AFMID: variants seen among roughly 807,000 people sequenced by gnomAD.
The protein encoded by AFMID is kynurenine formamidase.
AFMID carries 39 observed loss-of-function variants against 47.5 expected under a neutral mutation model. That is an observed-to-expected ratio of 0.82 (90% CI 0.64 to 1.07). The LOEUF (loss-of-function observed/expected upper bound fraction) is 1.07, where lower values mean the gene tolerates loss of function less well. AFMID is among the 50% of genes least tolerant of loss of function. The pLI, the probability that AFMID is intolerant of heterozygous loss-of-function variation, is 0.00. For synonymous variants in AFMID, 130 were observed against 153.2 expected (o/e 0.85, Z 1.12); for missense variants, 375 against 387.5 (o/e 0.97, Z 0.27).
chr17:78,201,122 G>A (rs966245283), intron 2 of AFMID, among the ~76,000 whole-genome samples: 1 of 150,570 alleles, frequency 6.6e-6, no homozygotes, highest in African/African-American at 2.4e-5. Context: ...TCAGCCTCCC[G>A]AGTAGCCGGA....
At chr17:78,200,045 A>AT (rs2076208701) in intron 2 of AFMID, among the ~76,000 whole-genome samples, 2 of 151,894 alleles carry the variant, frequency 1.3e-5, no homozygotes, top group Admixed American at 6.6e-5. Flanking sequence ...CCACAACGAC[A>AT]TAAAAAAAAA....
chr17:78,198,763 T>G (rs558207669), intron 2 of AFMID, among the ~76,000 whole-genome samples: 1 of 152,144 alleles, frequency 6.6e-6, no homozygotes, highest in South Asian at 2.1e-4. Flanking sequence ...GAGCCAAGAT[T>G]GCACCAGTGG....
At chr17:78,188,959 T>A (rs2075883893) in intron 1 of AFMID, among the ~76,000 whole-genome samples, 1 of 152,126 alleles carries the variant, frequency 6.6e-6, no homozygotes, top group South Asian at 2.1e-4. Context: ...CTTGAACTCC[T>A]GGCCTCAAGT....
chr17:78,206,454 C>T (rs1471610406), intron 10 of AFMID, among the ~76,000 whole-genome samples: 1 of 151,574 alleles, frequency 6.6e-6, no homozygotes, highest in African/African-American at 2.4e-5. Context: ...TCTCTTGCAC[C>T]CAGGCTGGAG....
intron 10 of AFMID, among the ~76,000 whole-genome samples, chr17:78,206,442 C>T (rs554886539): frequency 1.5e-4 from 22 of 151,100 alleles, no homozygotes; most frequent in Non-Finnish European, 2.9e-4. Context: ...GACAGGGTCT[C>T]CTCTCTTGCA....
intron 1 of AFMID, among the ~76,000 whole-genome samples, chr17:78,187,960 C>CAAAAAAAAAAAAAAAAAAAAAAAAAA (rs34018698): frequency 3.5e-5 from 2 of 56,678 alleles, no homozygotes; most frequent in African/African-American, 7.7e-5. Context: ...GACTTAGTCT[C>CAAAAAAAAAAAAAAAAAAAAAAAAAA]AAAAAAAAAA....
Position 78,207,221 on chromosome 17 carries a change from A to C in AFMID, c.*284A>C. 2.3e-6 allele frequency: 1 copy of C among 440,192 alleles called. No homozygotes were observed. Among genetic ancestry groups the C allele is most frequent in the Non-Finnish European group, 4.0e-6 (1 of 252,158 alleles). 27.3% of individuals were successfully genotyped at this position (440,192 alleles called of 1,614,324 possible). ...CCTCTTAGACTCGTCTGGCCCATCT[A>C]CCTGCTGACAGAGCATGACAAAGAT... On this transcript the variant is annotated 3_prime_UTR_variant, in exon 11 of 11. Transcript: ENST00000409257.
At chr17:78,194,592 TGTGA>T (rs1488867274) in intron 2 of AFMID, among the ~76,000 whole-genome samples, 1 of 152,170 alleles carries the variant, frequency 6.6e-6, no homozygotes, top group Non-Finnish European at 1.5e-5. Flanking sequence ...CTAACTGCTG[TGTGA>T]GTATGGTCAG....
chr17:78,188,791 G>A (rs960414715), intron 1 of AFMID, among the ~76,000 whole-genome samples: 1 of 152,116 alleles, frequency 6.6e-6, no homozygotes, highest in African/African-American at 2.4e-5. Flanking sequence ...TAGAGATGGG[G>A]TTTCACTGTG....
chr17:78,191,032 G>A lies in AFMID; in HGVS notation c.126G>A (p.Leu42=), dbSNP rs780243617. The change falls in exon 2 of 11, where the codon TTG becomes TTA. Residue 42 remains leucine (L), a synonymous_variant. Coordinates refer to ENST00000409257, the MANE Select transcript of AFMID (RefSeq NM_001010982.5). ...TCCGACTGGGAGCAGAGGAAGCCTT[G>A]AGGACCTACTCACAGATAGGAATTG... is the stretch of plus-strand genomic sequence containing the variant. ...WVVRLGAEEA[L]RTYSQIGIEA... The A allele has an allele frequency of 6.2e-7, 1 of 1,613,972 alleles. No individual in the cohort carries two copies. Among genetic ancestry groups the A allele is most frequent in the African/African-American group, 1.3e-5 (1 of 74,922 alleles).
intron 1 of AFMID, among the ~76,000 whole-genome samples, chr17:78,189,219 CTT>C (rs770863206): frequency 4.9e-5 from 6 of 122,728 alleles, no homozygotes; most frequent in Non-Finnish European, 3.3e-5. Flanking sequence ...TTCCTTGTTA[CTT>C]TTTTTTTTTT....
At chr17:78,190,857 T>C (rs2145844858) in intron 1 of AFMID, 113 bp from the exon 2 acceptor site, 2 of 861,354 alleles carry the variant, frequency 2.3e-6, no homozygotes, top group Non-Finnish European at 3.7e-6. Context: ...GACCCTGGGA[T>C]ACTGGGGCGA....
At chr17:78,187,852 T>C (rs2075838967) in intron 1 of AFMID, among the ~76,000 whole-genome samples, 1 of 147,700 alleles carries the variant, frequency 6.8e-6, no homozygotes, top group Non-Finnish European at 1.5e-5. Flanking sequence ...CTGGGGAGGC[T>C]GAGACAGGAG....
Position 78,207,238 on chromosome 17 carries a change from G to T in AFMID, c.*301G>T. 2 of 299,454 alleles carry T rather than the reference G, an allele frequency of 6.7e-6. No homozygotes were observed. Among genetic ancestry groups the T allele is most frequent in the East Asian group, 9.1e-5 (1 of 10,964 alleles). The allele number at this position is 299,454 out of a possible 1,614,324, so 18.5% of individuals were successfully genotyped here. A position where few individuals can be genotyped will look rare whatever the true frequency, so the allele number is the denominator to read the frequency against. On this transcript the variant is annotated 3_prime_UTR_variant, in exon 11 of 11. Coordinates refer to ENST00000409257, the MANE Select transcript of AFMID (RefSeq NM_001010982.5). ...GCCCATCTACCTGCTGACAGAGCATGACAAAGATGACGCTCAAAAGTAATG... is the reference window on the plus strand; with the variant it reads ...GCCCATCTACCTGCTGACAGAGCATTACAAAGATGACGCTCAAAAGTAATG...
intron 2 of AFMID, among the ~76,000 whole-genome samples, chr17:78,201,649 C>T (rs1033377489): frequency 6.6e-5 from 10 of 152,102 alleles, no homozygotes; most frequent in Non-Finnish European, 1.0e-4. Flanking sequence ...AAAAGTATAG[C>T]GCACATAATA....
At chr17:78,203,593 G>T (rs1035390927) in intron 4 of AFMID, 1 of 152,050 alleles carries the variant, frequency 6.6e-6, no homozygotes, top group African/African-American at 2.4e-5. Flanking sequence ...AAAAAAAAAT[G>T]AGAGTCCCAG....
At chr17:78,190,763 C>T in intron 1 of AFMID, 1 of 524,664 alleles carries the variant, frequency 1.9e-6, no homozygotes. Context: ...TGGGGGACCT[C>T]ATCTCCCCTT....
intron 2 of AFMID, among the ~76,000 whole-genome samples, chr17:78,198,668 G>A (rs2076171960): frequency 6.6e-6 from 1 of 151,670 alleles, no homozygotes; most frequent in South Asian, 2.1e-4. Flanking sequence ...AATTAGACAG[G>A]TGTGGTGGCG....
intron 2 of AFMID, chr17:78,197,328 T>G (rs1331511030): frequency 2.3e-6 from 2 of 876,730 alleles, no homozygotes; most frequent in Non-Finnish European, 3.5e-6. Context: ...ATTCTACCCC[T>G]GAGAGTGCGT....
Sources: gnomAD v4.1 joint callset for allele counts (sites outside exome capture counted in the v4.1 genomes callset) on GRCh38, gnomAD v4.1.1 for gene constraint, MANE v1.5 for transcripts, NCBI Gene and HGNC (gene_info 2026-07-23, HGNC 2026-07-21) for gene names.